The following NAV3 variants were observed in gnomAD, a reference collection of about 807,000 sequenced individuals.
The protein encoded by NAV3 is pore membrane and/or filament interacting like protein 1.
A neutral mutation model predicts 244.7 loss-of-function variants in NAV3; 87 were observed. The observed-to-expected ratio is 0.36, with a 90% CI of 0.30 to 0.42. The LOEUF is 0.42. Among genes scored for constraint, NAV3 ranks in the 20% least tolerant of loss-of-function variants. The pLI is 1.00. For missense variants in NAV3, 2,663 were observed against 2,893.3 expected, an observed-to-expected ratio of 0.92 and a Z score of 1.83; for synonymous variants, 1,126 against 1,042.2, an observed-to-expected ratio of 1.08 and a Z score of -1.55.
intron 1 of NAV3, among the ~76,000 whole-genome samples, chr12:77,834,515 C>G (rs1440019445): frequency 6.6e-6 from 1 of 152,202 alleles, no homozygotes; most frequent in African/African-American, 2.4e-5. Context: ...TGTGTATCCA[C>G]AAGTCTGTAT....
At chr12:77,745,935 A>T (rs1592641841) in intron 2 of NAV3, among the ~76,000 whole-genome samples, 1 of 151,796 alleles carries the variant, frequency 6.6e-6, no homozygotes, top group South Asian at 2.1e-4. Context: ...GCTCAGCTAT[A>T]AAAACAGACT....
At chr12:77,772,152 GT>G (rs1443639125) in intron 2 of NAV3, among the ~76,000 whole-genome samples, 2 of 152,090 alleles carry the variant, frequency 1.3e-5, no homozygotes, top group African/African-American at 2.4e-5. Context: ...GCTTAGAAGG[GT>G]TGTGTAGCTT....
In NAV3 at chr12:77,832,031, C is replaced by A. The variant is rs1400914181; in HGVS notation, c.243+327C>A. Among the ~76,000 whole-genome samples the A allele has an allele frequency of 2.0e-5, 3 of 152,130 alleles. No individual in the cohort carries two copies. The South Asian group carries it at 6.2e-4, about 32-fold the overall frequency. On this transcript the variant is annotated intron_variant, in intron 1 of 39. Transcript: ENST00000397909. ...GTCACAAATGTGAGAAAAAGAGAAC[C>A]TATTGTCATCCATACTGCAATGTAT...
intron 5 of NAV3, among the ~76,000 whole-genome samples, chr12:77,974,989 C>T (rs1868280513): frequency 6.9e-6 from 1 of 144,388 alleles, no homozygotes; most frequent in African/African-American, 2.6e-5. Flanking sequence ...TCTCCCTTTT[C>T]TCTCTTTCTC....
intron 1 of NAV3, among the ~76,000 whole-genome samples, chr12:77,846,005 G>A (rs1315084823): frequency 6.6e-6 from 1 of 152,110 alleles, no homozygotes; most frequent in African/African-American, 2.4e-5. Flanking sequence ...GCTTTACAAT[G>A]CAGTGCACTC....
intron 2 of NAV3, among the ~76,000 whole-genome samples, chr12:77,737,272 C>T (rs1340710505): frequency 6.7e-6 from 1 of 149,166 alleles, no homozygotes; most frequent in Non-Finnish European, 1.5e-5. Flanking sequence ...TCTTTGAGGC[C>T]TTTGGAAATG....
intron 3 of NAV3, among the ~76,000 whole-genome samples, chr12:77,964,881 AT>A (rs1304055392): frequency 4.6e-5 from 7 of 152,124 alleles, no homozygotes; most frequent in Admixed American, 4.6e-4. Context: ...TATATTATCA[AT>A]TTTTGTATAA....
chr12:78,203,367 T>C (rs1206773511), intron 38 of NAV3, among the ~76,000 whole-genome samples: 1 of 152,130 alleles, frequency 6.6e-6, no homozygotes, highest in Non-Finnish European at 1.5e-5. Context: ...TGGTTTAAGT[T>C]GTGTAGCATG....
intron 5 of NAV3, among the ~76,000 whole-genome samples, chr12:77,989,244 C>T (rs1040914810): frequency 3.3e-5 from 5 of 152,098 alleles, no homozygotes; most frequent in Admixed American, 6.6e-5. Flanking sequence ...AGGCAACAGA[C>T]GTTTAAGAGT....
intron 1 of NAV3, among the ~76,000 whole-genome samples, chr12:77,875,950 C>T (rs1881789388): frequency 6.6e-6 from 1 of 151,964 alleles, no homozygotes; most frequent in African/African-American, 2.4e-5. Flanking sequence ...AACTTTGTGG[C>T]TCAGGTCCTC....
intron 2 of NAV3, among the ~76,000 whole-genome samples, chr12:77,684,961 T>C (rs1166542373): frequency 1.3e-5 from 2 of 152,154 alleles, no homozygotes; most frequent in Non-Finnish European, 2.9e-5. Flanking sequence ...GTCAGAATCA[T>C]TACGGACTGT....
intron 12 of NAV3, among the ~76,000 whole-genome samples, chr12:78,065,526 A>T (rs138179508): frequency 1.2e-4 from 19 of 152,300 alleles, no homozygotes; most frequent in African/African-American, 4.6e-4. Flanking sequence ...TTTAACACAA[A>T]GATCAAAGGA....
At position 78,161,640 on chromosome 12, in the gene NAV3, C is replaced by T. The variant is rs570927123; in HGVS notation, c.4869+2354C>T. ...CTACATTATCCTTAAAATAACATTG[C>T]CAAAATTATAAAATTTTCTCAGAAG... On this transcript the variant is annotated intron_variant, in intron 23 of 39. Transcript: ENST00000397909. 2.6e-5 allele frequency among the ~76,000 whole-genome samples: 4 copies of T among 152,084 alleles called. No individual in the cohort carries two copies. The South Asian group carries it at 8.3e-4, about 32-fold the overall frequency.
chr12:77,762,415 C>T (rs1375866061), intron 2 of NAV3, among the ~76,000 whole-genome samples: 2 of 151,842 alleles, frequency 1.3e-5, no homozygotes, highest in Non-Finnish European at 2.9e-5. Flanking sequence ...TATCCCAGAA[C>T]TTAAAGTACA....
chr12:77,991,801 G>T (rs11107725), intron 5 of NAV3, among the ~76,000 whole-genome samples: 3 of 152,124 alleles, frequency 2.0e-5, no homozygotes, highest in Non-Finnish European at 2.9e-5. Context: ...GGGAGGCCGA[G>T]GTGAGCGGAT....
rs144237793 is a variant in NAV3, at chr12:78,180,758, A to C, written c.5518-113A>C. 23 of 823,022 alleles carry C rather than the reference A, an allele frequency of 2.8e-5. No homozygotes were observed. In the African/African-American group the frequency reaches 3.8e-4, roughly 14 times the overall value. 51.0% of individuals were successfully genotyped at this position (823,022 alleles called of 1,614,324 possible). ...CATATCTTATATTTCTTTATTTAAC[A>C]TATTAACATGTTTTATTTAACAAAC... On this transcript the variant is annotated intron_variant, in intron 29 of 39. Transcript: ENST00000397909.
chr12:78,131,695 T>C (rs1956173131), intron 18 of NAV3, among the ~76,000 whole-genome samples: 1 of 152,202 alleles, frequency 6.6e-6, no homozygotes, highest in African/African-American at 2.4e-5. Flanking sequence ...CTTAACTATG[T>C]CTGACATTGG....
chr12:77,718,170 A>T (rs1274753920), intron 2 of NAV3, among the ~76,000 whole-genome samples: 2 of 152,136 alleles, frequency 1.3e-5, no homozygotes, highest in African/African-American at 4.8e-5. Context: ...ATTTAGGAAG[A>T]TTTCCTCCAT....
intron 2 of NAV3, among the ~76,000 whole-genome samples, chr12:77,661,479 TG>T (rs1453106831): frequency 2.0e-5 from 3 of 152,118 alleles, no homozygotes; most frequent in Non-Finnish European, 2.9e-5. Flanking sequence ...GAGTTGCCAG[TG>T]TTTTCACTCA....
Sources: allele counts gnomAD v4.1 joint callset (sites outside exome capture counted in the v4.1 genomes callset), GRCh38; gene constraint gnomAD v4.1.1; transcripts MANE v1.5; gene names NCBI Gene and HGNC (gene_info 2026-07-23, HGNC 2026-07-21).